Variants in APC2 observed in about 807,000 individuals in gnomAD.
The protein encoded by APC2 is adenomatous polyposis coli protein 2.
Under a neutral mutation model 72.5 loss-of-function variants are expected in APC2, and 41 were observed. The ratio of observed to expected loss-of-function variants is 0.57; its 90% CI spans 0.44 to 0.73. The LOEUF (loss-of-function observed/expected upper bound fraction) is 0.73, where lower values mean the gene tolerates loss of function less well. APC2 is among the 30% of genes least tolerant of loss of function. The probability of loss-of-function intolerance (pLI) is 0.00; values close to 1 mark genes in which losing one functional copy is unlikely to be tolerated. For missense variants in APC2, 3,729 were observed against 3,403.4 expected, an observed-to-expected ratio of 1.10 and a Z score of -2.38; for synonymous variants, 1,898 against 1,612.0, an observed-to-expected ratio of 1.18 and a Z score of -4.25.
At position 1,466,775 on chromosome 19, in the gene APC2, G is replaced by A. The variant is rs908761778; in HGVS notation, c.3474G>A (p.Val1158=). ...SENYVQETPL[V]LSRCSSVSSL... ...ACTACGTGCAGGAGACACCGCTTGT[G>A]CTGAGCCGCTGCAGCTCTGTGAGCT... The change falls in exon 15 of 15, where the codon GTG becomes GTA. Residue 1158 remains valine (V), a synonymous_variant. Coordinates refer to ENST00000590469, the MANE Select transcript of APC2 (RefSeq NM_005883.3). 1.0e-5 allele frequency: 16 copies of A among 1,549,886 alleles called. No homozygotes were observed. The East Asian group carries it at 3.4e-4, about 33-fold the overall frequency.
In APC2 at chr19:1,465,422, C is replaced by T. The variant is rs1335962634; in HGVS notation, c.2121C>T (p.Thr707=). The T allele has an allele frequency of 1.3e-6, 2 of 1,544,910 alleles. No individual in the cohort carries two copies. Among genetic ancestry groups the T allele is most frequent in the Non-Finnish European group, 1.7e-6 (2 of 1,152,486 alleles). The change falls in exon 15 of 15, where the codon ACC becomes ACT. Residue 707 remains threonine (T), a synonymous_variant. Coordinates refer to ENST00000590469, the MANE Select transcript of APC2 (RefSeq NM_005883.3). ...HRPAKHQAAA[T]AVSPGSCVPS... ...CCGCCAAGCACCAGGCGGCCGCCAC[C>T]GCCGTGTCCCCAGGCAGCTGCGTGC... is the stretch of plus-strand genomic sequence containing the variant.
Position 1,467,181 on chromosome 19 carries a change from C to T in APC2, c.3880C>T (p.Leu1294=). The part of the protein sequence containing the change: ...HEHYVQQDVE[L]RLLPSACPER... ...GCACTACGTGCAGCAGGACGTGGAG[C>T]TGCGGCTGCTGCCCTCGGCCTGCCC... The change falls in exon 15 of 15, where the codon CTG becomes TTG. Residue 1294 remains leucine (L), a synonymous_variant. Coordinates refer to ENST00000590469, the MANE Select transcript of APC2 (RefSeq NM_005883.3). 1.3e-6 allele frequency: 2 copies of T among 1,518,060 alleles called. No individual in the cohort carries two copies. The highest frequency in any genetic ancestry group is 1.8e-6 in the Non-Finnish European group (2 of 1,135,730). The allele number at this position is 1,518,060 out of a possible 1,614,324, so 94.0% of individuals were successfully genotyped here.
upstream of APC2, among the ~76,000 whole-genome samples, chr19:1,449,412 C>T (rs1448415830): frequency 6.6e-6 from 1 of 152,206 alleles, no homozygotes; most frequent in Non-Finnish European, 1.5e-5. Context: ...TGGCCCTTCC[C>T]TCCTCTGGCC....
chr19:1,457,137 G>C lies in APC2; in HGVS notation c.1101G>C (p.Glu367Asp). 6 of 1,589,494 alleles carry C rather than the reference G, an allele frequency of 3.8e-6. No homozygotes were observed. The highest frequency in any genetic ancestry group is 5.1e-6 in the Non-Finnish European group (6 of 1,170,790). The change falls in exon 9 of 15, where the codon GAG becomes GAC. Residue 367 changes from glutamate (E) to aspartate (D), a missense_variant. Coordinates refer to ENST00000590469, the MANE Select transcript of APC2 (RefSeq NM_005883.3). Reference protein sequence around the residue: ...SQPDQGLARKEMRVLHVLEQI... With the variant: ...SQPDQGLARKDMRVLHVLEQI... Reference sequence around the variant, plus strand: ...CGGACCAGGGCCTGGCGCGCAAGGAGATGCGCGTCCTGCACGTGCTGGAGC... The same window carrying C: ...CGGACCAGGGCCTGGCGCGCAAGGACATGCGCGTCCTGCACGTGCTGGAGC...
intron 10 of APC2, 37 bp downstream of exon 10, chr19:1,458,097 G>C (rs1482083583): frequency 8.5e-6 from 13 of 1,533,558 alleles, no homozygotes; most frequent in African/African-American, 1.4e-5. Flanking sequence ...CCATCCTCCA[G>C]CCCCCGAACA....
rs2084150673 is a variant in APC2, at chr19:1,472,456, A to G, written c.*2243A>G. 1 of 152,142 alleles carries G rather than the reference A, an allele frequency of 6.6e-6. No homozygotes were observed. The highest frequency in any genetic ancestry group is 1.5e-5 in the Non-Finnish European group (1 of 68,044). 9.4% of individuals were successfully genotyped at this position (152,142 alleles called of 1,614,324 possible). A position where few individuals can be genotyped will look rare whatever the true frequency, so the allele number is the denominator to read the frequency against. On this transcript the variant is annotated 3_prime_UTR_variant, in exon 15 of 15. Coordinates refer to ENST00000590469, the MANE Select transcript of APC2 (RefSeq NM_005883.3). ...CATGTGGGCCGTGGGGAACTCCCAG[A>G]GCTACCTCTTGGGGGAGCGTGGTGG...
In APC2 at chr19:1,471,972, G is replaced by A. The variant is rs1253770646; in HGVS notation, c.*1759G>A. On this transcript the variant is annotated 3_prime_UTR_variant, in exon 15 of 15. Transcript: ENST00000590469. ...CCAGACAGGACGTCCATAAGTCACC[G>A]AGGTGTGCCACCCAGCAGGTGCTGG... 5.3e-5 allele frequency: 8 copies of A among 152,358 alleles called. No homozygotes were observed. Among genetic ancestry groups the A allele is most frequent in the East Asian group, 1.9e-4 (1 of 5,200 alleles). The allele number at this position is 152,358 out of a possible 1,614,324, so 9.4% of individuals were successfully genotyped here.
At chr19:1,458,227 C>A in intron 10 of APC2, 167 bp downstream of exon 10, 1 of 652,646 alleles carries the variant, frequency 1.5e-6, no homozygotes, top group Non-Finnish European at 2.7e-6. Flanking sequence ...ATGAGTGGAC[C>A]GTCACCCTGG....
chr19:1,460,444 C>A, intron 11 of APC2, 124 bp downstream of exon 11: 1 of 1,442,590 alleles, frequency 6.9e-7, no homozygotes, highest in Non-Finnish European at 9.5e-7. Context: ...CCCCAACTTA[C>A]AGACGGGTAG....
intron 8 of APC2, 43 bp downstream of exon 8, chr19:1,456,447 C>T: frequency 2.0e-6 from 3 of 1,523,132 alleles, no homozygotes; most frequent in Non-Finnish European, 1.8e-6. Flanking sequence ...GCTGTCTGGG[C>T]TGGAAGGGGG....
In APC2 at chr19:1,469,084, T is replaced by C. The variant is rs2084083277; in HGVS notation, c.5783T>C (p.Val1928Ala). 6.7e-7 allele frequency: 1 copy of C among 1,501,574 alleles called. No homozygotes were observed. The allele number at this position is 1,501,574 out of a possible 1,614,324, so 93.0% of individuals were successfully genotyped here. A position where few individuals can be genotyped will look rare whatever the true frequency, so the allele number is the denominator to read the frequency against. ...CAGCACAAGACGCAGAGATCGCCCG[T>C]GCGGATCCCGTTCATGCAGAGGCCG... ...AKQHKTQRSP[V>A]RIPFMQRPAR... Residue 1928 changes from valine (V) to alanine (A), a missense_variant, in exon 15 of 15, where the codon GTG (valine) becomes GCG (alanine). By Grantham distance (64) the Val-to-Ala change is moderately conservative (BLOSUM62 0). Coordinates refer to ENST00000590469, the MANE Select transcript of APC2 (RefSeq NM_005883.3).
rs868433435 is a variant in APC2, at chr19:1,469,114, G to C, written c.5813G>C (p.Arg1938Pro). ...VRIPFMQRPA[R>P]RGPPPLARAV... The stretch of plus-strand genomic sequence containing the variant: ...ATCCCGTTCATGCAGAGGCCGGCCC[G>C]GCGTGGGCCGCCACCGCTGGCTCGG... The change falls in exon 15 of 15, where the codon CGG becomes CCG. Residue 1938 changes from arginine (R) to proline (P), a missense_variant. By Grantham distance (103) the Arg-to-Pro change is moderately radical (BLOSUM62 -2). Transcript: ENST00000590469. The C allele has an allele frequency of 7.3e-7, 1 of 1,367,842 alleles. No individual in the cohort carries two copies. The highest frequency in any genetic ancestry group is 1.5e-5 in the African/African-American group (1 of 65,522). 84.7% of individuals were successfully genotyped at this position (1,367,842 alleles called of 1,614,324 possible).
At chr19:1,448,319 C>T (rs561757190), upstream of APC2, among the ~76,000 whole-genome samples, 5 of 152,154 alleles carry the variant, frequency 3.3e-5, no homozygotes, top group Admixed American at 6.6e-5. Flanking sequence ...CCCTTCGAGG[C>T]GGGCGGATCA....
In APC2 at chr19:1,469,212, G is replaced by GGCCT; in HGVS notation, c.5913_5916dup (p.Val1973ProfsTer181). ...CCCGGGGGCGCGCGGGGGCCGCCTG[G>GGCCT]GCCTGGTGCGTGTGGCCTCAGCCCT... On this transcript the variant is annotated frameshift_variant, in exon 15 of 15. Coordinates refer to ENST00000590469, the MANE Select transcript of APC2 (RefSeq NM_005883.3). LOFTEE classifies it low-confidence loss of function (END_TRUNC). 7.1e-7 allele frequency: 1 copy of GGCCT among 1,398,790 alleles called. No individual in the cohort carries two copies. Among genetic ancestry groups the GGCCT allele is most frequent in the Non-Finnish European group, 9.3e-7 (1 of 1,072,518 alleles). 86.6% of individuals were successfully genotyped at this position (1,398,790 alleles called of 1,614,324 possible).
At chr19:1,462,491 A>C (rs1338862107) in intron 14 of APC2, among the ~76,000 whole-genome samples, 1 of 150,552 alleles carries the variant, frequency 6.6e-6, no homozygotes, top group African/African-American at 2.5e-5. Context: ...GCCTGTCCCT[A>C]CTAAAAATAT....
At chr19:1,449,778 C>T (rs1002626922), upstream of APC2, among the ~76,000 whole-genome samples, 12 of 152,168 alleles carry the variant, frequency 7.9e-5, no homozygotes, top group Non-Finnish European at 1.2e-4. Flanking sequence ...CGGCCACTGC[C>T]CTGGAAACCC....
In APC2 at chr19:1,467,525, C is replaced by T; in HGVS notation, c.4224C>T (p.Asp1408=). The T allele has an allele frequency of 1.4e-6, 2 of 1,475,422 alleles. No individual in the cohort carries two copies. The highest frequency in any genetic ancestry group is 2.3e-5 in the Admixed American group (1 of 43,424). The allele number at this position is 1,475,422 out of a possible 1,614,324, so 91.4% of individuals were successfully genotyped here. A position where few individuals can be genotyped will look rare whatever the true frequency, so the allele number is the denominator to read the frequency against. ...TCTCTAGCGCCGCCTCGCTCAGCGA[C>T]GAGACGCTGCAGGGACCCCCCAGGG... The part of the protein sequence containing the change: ...VNFSSAASLS[D]ETLQGPPRDQ... Residue 1408 remains aspartate, a synonymous_variant, in exon 15 of 15, where the codon GAC becomes GAT. Transcript: ENST00000590469.
At position 1,470,369 on chromosome 19, in the gene APC2, G is replaced by A. The variant is rs2084114511; in HGVS notation, c.*156G>A. On this transcript the variant is annotated 3_prime_UTR_variant, in exon 15 of 15. Coordinates refer to ENST00000590469, the MANE Select transcript of APC2 (RefSeq NM_005883.3). ...TCAGAACCCCCGCCCAGCGCACGGC[G>A]ACCTCGCGCCTCACCGGAAGACCTT... 7 of 1,124,778 alleles carry A rather than the reference G, an allele frequency of 6.2e-6. No homozygotes were observed. Among genetic ancestry groups the A allele is most frequent in the Non-Finnish European group, 7.2e-6 (6 of 833,616 alleles). 69.7% of individuals were successfully genotyped at this position (1,124,778 alleles called of 1,614,324 possible).
In APC2 at chr19:1,465,789, G is replaced by A; in HGVS notation, c.2488G>A (p.Glu830Lys). ...PPTRRGGKEAEKDTSGEAAVA... is the reference protein window; with the variant it reads ...PPTRRGGKEAKKDTSGEAAVA... The stretch of plus-strand genomic sequence containing the variant: ...CACCCGCCGAGGCGGCAAGGAGGCA[G>A]AGAAGGACACCAGTGGGGAGGCAGC... Residue 830 changes from glutamate to lysine, a missense_variant, in exon 15 of 15, where the codon GAG becomes AAG. Physicochemically the swap from Glu to Lys is moderately conservative, Grantham distance 56 (BLOSUM62 1). Transcript: ENST00000590469. 6.3e-7 allele frequency: 1 copy of A among 1,579,814 alleles called. No homozygotes were observed. Among genetic ancestry groups the A allele is most frequent in the Non-Finnish European group, 8.6e-7 (1 of 1,164,598 alleles).
Sources: gnomAD v4.1 joint callset for allele counts (sites outside exome capture counted in the v4.1 genomes callset) on GRCh38, gnomAD v4.1.1 for gene constraint, MANE v1.5 for transcripts, NCBI Gene and HGNC (gene_info 2026-07-23, HGNC 2026-07-21) for gene names.